Variants in SLC4A5 observed in about 807,000 individuals in gnomAD.
SLC4A5 encodes the protein electrogenic sodium bicarbonate cotransporter 4.
A neutral mutation model predicts 120.4 loss-of-function variants in SLC4A5; 96 were observed. That is an observed-to-expected ratio of 0.80 (90% CI 0.68 to 0.94). The LOEUF (loss-of-function observed/expected upper bound fraction) is 0.94. Ranked by LOEUF, SLC4A5 falls within the 40% of genes least tolerant of loss-of-function variation. The pLI, the probability that SLC4A5 is intolerant of heterozygous loss-of-function variation, is 0.00. For missense variants in SLC4A5, 1,259 were observed against 1,459.5 expected (o/e 0.86, Z 2.24); for synonymous variants, 550 against 571.1 (o/e 0.96, Z 0.53).
At chr2:74,235,120 T>G in exon 22 of SLC4A5, 1 of 1,614,082 alleles carries the variant, frequency 6.2e-7, no homozygotes, top group Non-Finnish European at 8.5e-7. Context: ...ACTGGGCACA[T>G]GCAGCTTGGG....
At chr2:74,267,401 G>T (rs1032478998) in intron 8 of SLC4A5, among the ~76,000 whole-genome samples, 1 of 152,164 alleles carries the variant, frequency 6.6e-6, no homozygotes, top group Non-Finnish European at 1.5e-5. Flanking sequence ...AAACCACCAG[G>T]TTTTCAGTAG....
At chr2:74,324,814 G>A (rs979146571) in intron 5 of SLC4A5, among the ~76,000 whole-genome samples, 11 of 152,122 alleles carry the variant, frequency 7.2e-5, no homozygotes, top group Non-Finnish European at 1.0e-4. Flanking sequence ...ACAGAGACTG[G>A]TTCAGGAATG....
At chr2:74,304,579 G>A in exon 7 of SLC4A5, 1 of 1,614,168 alleles carries the variant, frequency 6.2e-7, no homozygotes, top group Non-Finnish European at 8.5e-7. Flanking sequence ...TCTGGCCGCA[G>A]GCCCCAGTGG....
chr2:74,222,221 G>A (rs1357052132), intron 29 of SLC4A5, among the ~76,000 whole-genome samples: 1 of 152,158 alleles, frequency 6.6e-6, no homozygotes, highest in Admixed American at 6.5e-5. Context: ...GAGGCCTGGT[G>A]GGCCATGTTT....
chr2:74,299,210 G>C (rs1672408884), intron 7 of SLC4A5, among the ~76,000 whole-genome samples: 1 of 152,190 alleles, frequency 6.6e-6, no homozygotes, highest in Non-Finnish European at 1.5e-5. Context: ...AATTAGCTGG[G>C]TGTGGTGGTG....
At chr2:74,290,548 G>A (rs780908032) in intron 7 of SLC4A5, 157 of 984,682 alleles carry the variant, frequency 1.6e-4, no homozygotes, top group Non-Finnish European at 1.9e-4. Context: ...ATGCAAAAGT[G>A]TTTGAGAGAG....
intron 11 of SLC4A5, among the ~76,000 whole-genome samples, chr2:74,261,134 C>T (rs975330789): frequency 1.3e-5 from 2 of 152,190 alleles, no homozygotes; most frequent in African/African-American, 4.8e-5. Context: ...CGGGTGCCCA[C>T]CTTGAATATG....
chr2:74,231,099 GC>G, intron 25 of SLC4A5, 136 bp downstream of exon 25: 1 of 713,920 alleles, frequency 1.4e-6, no homozygotes. Context: ...GAGCCACCAT[GC>G]CCGGCCAAGA....
chr2:74,244,551 T>G (rs1670550888), intron 19 of SLC4A5, among the ~76,000 whole-genome samples: 1 of 151,440 alleles, frequency 6.6e-6, no homozygotes, highest in Non-Finnish European at 1.5e-5. Flanking sequence ...TTTCCTCCTC[T>G]TCTCTTCTCT....
chr2:74,266,618 A>C (rs1030461051), intron 8 of SLC4A5, among the ~76,000 whole-genome samples: 1 of 152,184 alleles, frequency 6.6e-6, no homozygotes, highest in Admixed American at 6.5e-5. Flanking sequence ...AACCAACCTA[A>C]AAATAGAAAG....
intron 15 of SLC4A5, 39 bp downstream of exon 15, chr2:74,252,935 C>G (rs1670838453): frequency 1.9e-6 from 3 of 1,608,986 alleles, no homozygotes; most frequent in Admixed American, 3.3e-5. Flanking sequence ...AGAGTTGAAG[C>G]CTCCTTTTTC....
At chr2:74,309,207 T>C (rs188243290) in intron 6 of SLC4A5, among the ~76,000 whole-genome samples, 7 of 151,784 alleles carry the variant, frequency 4.6e-5, no homozygotes, top group African/African-American at 9.7e-5. Context: ...GCATGAGCCA[T>C]TACACCTGGC....
Position 74,292,100 on chromosome 2 carries a change from C to T in SLC4A5, c.272-6198G>A, listed in dbSNP as rs551003909. Reference sequence around the variant, plus strand: ...AGCCTTAGTTTCCTCATCTATGAAGCGGTAATAATCACGCCCCCCTCACTG... The same window carrying T: ...AGCCTTAGTTTCCTCATCTATGAAGTGGTAATAATCACGCCCCCCTCACTG... On this transcript the variant is annotated intron_variant, in intron 7 of 30. Coordinates refer to ENST00000394019, the Ensembl canonical transcript of SLC4A5. 3.9e-5 allele frequency among the ~76,000 whole-genome samples: 6 copies of T among 152,302 alleles called. No individual in the cohort carries two copies. The South Asian group carries it at 6.2e-4, about 16-fold the overall frequency.
chr2:74,249,038 T>C (rs1339459802), intron 17 of SLC4A5, among the ~76,000 whole-genome samples: 2 of 152,192 alleles, frequency 1.3e-5, no homozygotes, highest in African/African-American at 4.8e-5. Flanking sequence ...TAGATGATTC[T>C]TTGCTGTGGA....
intron 18 of SLC4A5, 145 bp downstream of exon 18, chr2:74,248,208 C>T (rs1156951384): frequency 4.4e-6 from 5 of 1,125,680 alleles, no homozygotes; most frequent in Non-Finnish European, 6.3e-6. Context: ...TCAGGAGGGG[C>T]CACCTGGTAG....
At chr2:74,275,842 G>A (rs1671621077) in intron 8 of SLC4A5, among the ~76,000 whole-genome samples, 1 of 152,212 alleles carries the variant, frequency 6.6e-6, no homozygotes, top group Admixed American at 6.5e-5. Context: ...TGAGGAGACT[G>A]AGACCCTTAG....
intron 7 of SLC4A5, among the ~76,000 whole-genome samples, chr2:74,292,959 A>G (rs777776037): frequency 2.0e-4 from 31 of 151,770 alleles, no homozygotes; most frequent in Admixed American, 3.3e-4. Context: ...TACTCAATGC[A>G]TATTTGCTGG....
intron 7 of SLC4A5, among the ~76,000 whole-genome samples, chr2:74,290,892 C>A (rs553872958): frequency 6.6e-6 from 1 of 151,992 alleles, no homozygotes; most frequent in Non-Finnish European, 1.5e-5. Flanking sequence ...CTCTGCAGGC[C>A]CCTTTATAAA....
chr2:74,216,573 A>T (rs1558860087), exon 31 of SLC4A5: 1 of 152,214 alleles, frequency 6.6e-6, no homozygotes, highest in African/African-American at 2.4e-5. Context: ...TAGCTTCCCC[A>T]GGATTGGTGT....
Sources: gnomAD v4.1 joint callset for allele counts (sites outside exome capture counted in the v4.1 genomes callset) on GRCh38, gnomAD v4.1.1 for gene constraint, MANE v1.5 for transcripts, NCBI Gene and HGNC (gene_info 2026-07-23, HGNC 2026-07-21) for gene names.